The following HS6ST3 variants were observed in gnomAD, a reference collection of about 807,000 sequenced individuals.
HS6ST3 encodes the protein heparan sulfate 6-O-sulfotransferase 3, also known as heparan-sulfate 6-O-sulfotransferase 3.
HS6ST3 carries 12 observed loss-of-function variants against 36.7 expected under a neutral mutation model. The observed-to-expected ratio is 0.33, with a 90% CI of 0.21 to 0.53. The LOEUF is 0.53. HS6ST3 is among the 20% of genes least tolerant of loss of function. The pLI, the probability that HS6ST3 is intolerant of heterozygous loss-of-function variation, is 0.95. For synonymous variants in HS6ST3, 240 were observed against 257.5 expected, an observed-to-expected ratio of 0.93 and a Z score of 0.65; for missense variants, 584 against 640.9, an observed-to-expected ratio of 0.91 and a Z score of 0.96.
chr13:96,103,454 A>G (rs1325622195), intron 1 of HS6ST3, among the ~76,000 whole-genome samples: 1 of 152,188 alleles, frequency 6.6e-6, no homozygotes, highest in Non-Finnish European at 1.5e-5. Context: ...AGTGCCTGGT[A>G]CATAATGGCT....
chr13:96,182,790 C>A (rs1453942430), intron 1 of HS6ST3, among the ~76,000 whole-genome samples: 2 of 152,080 alleles, frequency 1.3e-5, no homozygotes, highest in Non-Finnish European at 2.9e-5. Context: ...CTTCTTATTT[C>A]TGAAGCCTCT....
intron 1 of HS6ST3, among the ~76,000 whole-genome samples, chr13:96,383,833 G>A (rs955232606): frequency 6.6e-6 from 1 of 152,196 alleles, no homozygotes. Context: ...GATGGGGTCC[G>A]AGGTTAGGTC....
chr13:96,145,776 TA>T (rs1257704329), intron 1 of HS6ST3, among the ~76,000 whole-genome samples: 3 of 152,244 alleles, frequency 2.0e-5, no homozygotes, highest in Non-Finnish European at 4.4e-5. Context: ...CTAGGGTTTT[TA>T]TGGTTTTAGG....
chr13:96,630,259 A>C (rs2056527409), intron 1 of HS6ST3, among the ~76,000 whole-genome samples: 2 of 152,004 alleles, frequency 1.3e-5, no homozygotes, highest in African/African-American at 4.8e-5. Context: ...TGTGGTTTTT[A>C]AATTGTAATT....
At chr13:96,711,023 G>A (rs1362961310) in intron 1 of HS6ST3, among the ~76,000 whole-genome samples, 1 of 152,208 alleles carries the variant, frequency 6.6e-6, no homozygotes, top group Admixed American at 6.5e-5. Flanking sequence ...CAAACAAAAA[G>A]CACCCTTTGT....
intron 1 of HS6ST3, among the ~76,000 whole-genome samples, chr13:96,377,353 AAACAAC>A (rs955117924): frequency 6.6e-6 from 1 of 151,768 alleles, no homozygotes; most frequent in Non-Finnish European, 1.5e-5. Flanking sequence ...ACCCTGTCTC[AAACAAC>A]AACAACAACA....
chr13:96,501,885 A>G (rs2056005934), intron 1 of HS6ST3, among the ~76,000 whole-genome samples: 1 of 152,250 alleles, frequency 6.6e-6, no homozygotes, highest in Admixed American at 6.5e-5. Context: ...TTTGTTAGCT[A>G]GCATACAATT....
In HS6ST3 at chr13:96,444,721, A is replaced by G. The variant is rs936002458; in HGVS notation, c.707+353152A>G. Among the ~76,000 whole-genome samples, 50 of 152,244 alleles carry G rather than the reference A, an allele frequency of 3.3e-4. 1 individual carries two copies. The highest frequency in any genetic ancestry group is 3.1e-3 in the Admixed American group (47 of 15,290). ...TTATGAGCAATAAAAGGACTTGAAC[A>G]TGATAAAGAATACAATTACGTGGTA... On this transcript the variant is annotated intron_variant, in intron 1 of 1. Coordinates refer to ENST00000376705, the MANE Select transcript of HS6ST3 (RefSeq NM_153456.4).
intron 1 of HS6ST3, among the ~76,000 whole-genome samples, chr13:96,511,745 G>C (rs1453818385): frequency 6.6e-6 from 1 of 152,010 alleles, no homozygotes; most frequent in African/African-American, 2.4e-5. Flanking sequence ...AAATCCATCA[G>C]TGTTGGTTTG....
chr13:96,186,704 C>T (rs1479335711), intron 1 of HS6ST3, among the ~76,000 whole-genome samples: 1 of 152,138 alleles, frequency 6.6e-6, no homozygotes, highest in Non-Finnish European at 1.5e-5. Flanking sequence ...CAGAGGGAGC[C>T]TATGACATTT....
intron 1 of HS6ST3, among the ~76,000 whole-genome samples, chr13:96,724,410 T>C (rs1338268157): frequency 6.6e-6 from 1 of 152,174 alleles, no homozygotes. Flanking sequence ...TACAATTTCA[T>C]AAATATTAAC....
chr13:96,463,850 A>C (rs1000110130), intron 1 of HS6ST3, among the ~76,000 whole-genome samples: 5 of 152,242 alleles, frequency 3.3e-5, no homozygotes, highest in African/African-American at 1.2e-4. Flanking sequence ...AGTCAAGGAA[A>C]GAATTGAAAG....
At chr13:96,164,904 A>G (rs1005235634) in intron 1 of HS6ST3, among the ~76,000 whole-genome samples, 21 of 152,258 alleles carry the variant, frequency 1.4e-4, no homozygotes, top group Admixed American at 7.9e-4. Flanking sequence ...TAAAAGATAC[A>G]TTAGATAAAA....
At chr13:96,490,344 A>G (rs1227130860) in intron 1 of HS6ST3, among the ~76,000 whole-genome samples, 2 of 152,150 alleles carry the variant, frequency 1.3e-5, no homozygotes, top group Non-Finnish European at 2.9e-5. Flanking sequence ...GAACATGTGC[A>G]CACTAACCTA....
chr13:96,562,308 A>G (rs2056265249), intron 1 of HS6ST3, among the ~76,000 whole-genome samples: 2 of 152,170 alleles, frequency 1.3e-5, no homozygotes, highest in African/African-American at 4.8e-5. Flanking sequence ...CTCACTTATA[A>G]GTGGGAGCTA....
At chr13:96,268,565 A>G (rs2054704245) in intron 1 of HS6ST3, among the ~76,000 whole-genome samples, 1 of 151,974 alleles carries the variant, frequency 6.6e-6, no homozygotes, top group South Asian at 2.1e-4. Context: ...AACCACATCA[A>G]GTCCATAGCA....
At chr13:96,574,292 G>T in intron 1 of HS6ST3, 1 of 382,426 alleles carries the variant, frequency 2.6e-6, no homozygotes, top group South Asian at 2.2e-5. Flanking sequence ...TAAGGAAAAA[G>T]GCATCAAACG....
At chr13:96,495,811 A>C (rs770248662) in intron 1 of HS6ST3, among the ~76,000 whole-genome samples, 3 of 152,190 alleles carry the variant, frequency 2.0e-5, no homozygotes, top group Non-Finnish European at 4.4e-5. Flanking sequence ...AAAACTTTAC[A>C]TTGTGAGCAA....
At chr13:96,590,555 G>GA (rs373645595) in intron 1 of HS6ST3, among the ~76,000 whole-genome samples, 34 of 151,666 alleles carry the variant, frequency 2.2e-4, no homozygotes, top group African/African-American at 8.0e-4. Flanking sequence ...TTTTCTTGTA[G>GA]AGTTGTTTGA....
Sources: gnomAD v4.1 joint callset for allele counts (sites outside exome capture counted in the v4.1 genomes callset) on GRCh38, gnomAD v4.1.1 for gene constraint, MANE v1.5 for transcripts, NCBI Gene and HGNC (gene_info 2026-07-23, HGNC 2026-07-21) for gene names.